FOXN3: variants seen among roughly 807,000 people sequenced by gnomAD.
FOXN3 encodes the protein forkhead box N3, also known as forkhead box protein N3.
FOXN3 carries 7 observed loss-of-function variants against 38.4 expected under a neutral mutation model. That is an observed-to-expected ratio of 0.18 (90% confidence interval 0.10 to 0.34). FOXN3 has a LOEUF of 0.34. Among genes scored for constraint, FOXN3 ranks in the 10% least tolerant of loss-of-function variants. The probability of loss-of-function intolerance (pLI) is 1.00; values close to 1 mark genes in which losing one functional copy is unlikely to be tolerated. For missense variants in FOXN3, 456 were observed against 613.4 expected, an observed-to-expected ratio of 0.74 and a Z score of 2.71; for synonymous variants, 230 against 242.2, an observed-to-expected ratio of 0.95 and a Z score of 0.47.
chr14:89,323,298 AAAAAAAGAAAG>A (rs1404417085), intron 3 of FOXN3, among the ~76,000 whole-genome samples: 3 of 148,808 alleles, frequency 2.0e-5, no homozygotes, highest in African/African-American at 7.4e-5. Flanking sequence ...AAAAAAAAAA[AAAAAAAGAAAG>A]AAAGAAAGAA....
chr14:89,338,279 G>A (rs983537734), intron 3 of FOXN3, among the ~76,000 whole-genome samples: 3 of 152,112 alleles, frequency 2.0e-5, no homozygotes, highest in African/African-American at 7.2e-5. Flanking sequence ...AGCAACTAAA[G>A]GAAAATATTT....
rs8012674 is a variant in FOXN3 at position 89,548,651 on chromosome 14, T to A, written c.-15+70377A>T. On this transcript the variant is annotated intron_variant, in intron 1 of 6. Coordinates refer to the FOXN3 transcript ENST00000345097. This position sits in a 1 kb window ranked among gnomAD's most constrained non-coding sequence, Gnocchi z 4.8. Reference sequence around the variant, plus strand: ...TTAATGTAAATGTAAGTTATTACCATAATAATGATGACTTTTCTTTTCAAT... The same window carrying A: ...TTAATGTAAATGTAAGTTATTACCAAAATAATGATGACTTTTCTTTTCAAT... Among the ~76,000 whole-genome samples, 1,178 of 152,282 alleles carry A rather than the reference T, an allele frequency of 7.7e-3. 10 individuals carry two copies. The highest frequency in any genetic ancestry group is 0.027 in the African/African-American group (1,117 of 41,552).
intron 4 of FOXN3, among the ~76,000 whole-genome samples, chr14:89,255,725 G>A (rs553278287): frequency 6.6e-6 from 1 of 152,218 alleles, no homozygotes; most frequent in South Asian, 2.1e-4. Flanking sequence ...CAGCACGCAG[G>A]ACATTCTAAG....
chr14:89,522,712 T>C (rs1044842053), intron 1 of FOXN3, among the ~76,000 whole-genome samples: 1 of 149,722 alleles, frequency 6.7e-6, no homozygotes, highest in East Asian at 1.9e-4. Context: ...AAGCAACCAT[T>C]AAAATAATAC....
At chr14:89,614,517 A>G (rs1169495349) in intron 1 of FOXN3, among the ~76,000 whole-genome samples, 3 of 152,242 alleles carry the variant, frequency 2.0e-5, no homozygotes, top group Non-Finnish European at 4.4e-5. Context: ...CCTGCTCACT[A>G]TGAGCACAAG....
At chr14:89,360,055 C>G (rs1337326986) in intron 2 of FOXN3, among the ~76,000 whole-genome samples, 1 of 152,206 alleles carries the variant, frequency 6.6e-6, no homozygotes, top group African/African-American at 2.4e-5. Context: ...CAGGATCTGG[C>G]AGGCTTGAAG....
rs1157998619 is a variant in FOXN3 at position 89,546,329 on chromosome 14, C to CTTTTTTTTTTTTTTTTTTT, written c.-15+72680_-15+72698dup. Among the ~76,000 whole-genome samples, 22 of 78,330 alleles carry CTTTTTTTTTTTTTTTTTTT rather than the reference C, an allele frequency of 2.8e-4. 2 individuals carry two copies. The highest frequency in any genetic ancestry group is 9.8e-4 in the South Asian group (2 of 2,048). The allele number at this position is 78,330 out of a possible 152,430, so 51.4% of individuals were successfully genotyped here. On this transcript the variant is annotated intron_variant, in intron 1 of 6. Transcript: ENST00000345097. ...TAGCTTCTTTTCTTTTTTCCTTTTT[C>CTTTTTTTTTTTTTTTTTTT]TTTTTTTTTTTTTTTTTTTGAGATG...
intron 1 of FOXN3, among the ~76,000 whole-genome samples, chr14:89,430,867 A>C (rs141062199): frequency 4.7e-4 from 72 of 152,358 alleles, no homozygotes; most frequent in African/African-American, 1.7e-3. Flanking sequence ...TGCCCTGCAC[A>C]CACCTTGAGA....
At chr14:89,349,113 C>A (rs1204961270) in intron 3 of FOXN3, among the ~76,000 whole-genome samples, 1 of 152,104 alleles carries the variant, frequency 6.6e-6, no homozygotes, top group Non-Finnish European at 1.5e-5. Context: ...ACATGAGAAT[C>A]TGGGAAATAT....
At chr14:89,173,930 C>T (rs113913483) in intron 5 of FOXN3, among the ~76,000 whole-genome samples, 1 of 152,116 alleles carries the variant, frequency 6.6e-6, no homozygotes, top group Non-Finnish European at 1.5e-5. Context: ...GAGGATGAGG[C>T]TGCAGTGAGC....
chr14:89,203,150 A>G (rs1888278491), intron 4 of FOXN3, among the ~76,000 whole-genome samples: 1 of 152,130 alleles, frequency 6.6e-6, no homozygotes, highest in Non-Finnish European at 1.5e-5. Context: ...AACTATTTAC[A>G]GCCCATCAAG....
At chr14:89,326,833 A>C (rs1410075560) in intron 3 of FOXN3, among the ~76,000 whole-genome samples, 1 of 152,184 alleles carries the variant, frequency 6.6e-6, no homozygotes, top group Non-Finnish European at 1.5e-5. Context: ...AAGTGGCATA[A>C]AGTAGGAAGA....
rs775714259 is a variant in FOXN3, at chr14:89,179,717, G to A, written c.851+984C>T. ...TAAAGCATGGGGCTAATCGGTTCAC[G>A]GCAAAGAGAAGTTTCTCTGATGCTG... On this transcript the variant is annotated intron_variant, in intron 5 of 5. Transcript: ENST00000557258. Among the ~76,000 whole-genome samples the A allele has an allele frequency of 1.1e-4, 16 of 152,050 alleles. 1 individual carries two copies. The highest frequency in any genetic ancestry group is 1.6e-4 in the Non-Finnish European group (11 of 68,024).
intron 1 of FOXN3, among the ~76,000 whole-genome samples, chr14:89,427,228 CA>C (rs1377599085): frequency 2.4e-3 from 107 of 44,406 alleles, no homozygotes; most frequent in Admixed American, 3.5e-3. Flanking sequence ...GCCTCTGTCT[CA>C]AAAAAAAAAA....
chr14:89,570,316 T>G (rs937902645), intron 1 of FOXN3, among the ~76,000 whole-genome samples: 5 of 152,088 alleles, frequency 3.3e-5, no homozygotes, highest in Non-Finnish European at 7.3e-5. Flanking sequence ...TTGGTAATTT[T>G]TAAGGCACAG....
intron 1 of FOXN3, among the ~76,000 whole-genome samples, chr14:89,561,926 A>G (rs1167918152): frequency 6.6e-6 from 1 of 152,216 alleles, no homozygotes; most frequent in Non-Finnish European, 1.5e-5. Context: ...TCAATTGTCA[A>G]CAGATTTTGA....
rs977596534 is a variant in FOXN3 at position 89,164,343 on chromosome 14, G to A, written c.852-1374C>T. 1.3e-5 allele frequency among the ~76,000 whole-genome samples: 2 copies of A among 152,196 alleles called. No individual in the cohort carries two copies. The highest frequency in any genetic ancestry group is 1.3e-4 in the Admixed American group (2 of 15,278). On this transcript the variant is annotated intron_variant, in intron 5 of 5. Transcript: ENST00000557258. This position sits in a 1 kb window ranked among gnomAD's most constrained non-coding sequence, Gnocchi z 4.3. Reference sequence around the variant, plus strand: ...CACAAGGGCTGAAGAATTTGGCAGGGATGGGAACTGTTCTATGGCACCATG... The same window carrying A: ...CACAAGGGCTGAAGAATTTGGCAGGAATGGGAACTGTTCTATGGCACCATG...
intron 1 of FOXN3, among the ~76,000 whole-genome samples, chr14:89,501,932 G>A (rs531938203): frequency 1.3e-3 from 194 of 152,172 alleles, no homozygotes; most frequent in African/African-American, 4.0e-3. Context: ...TTGGGAGGCC[G>A]AGGCAGTTGG....
intron 4 of FOXN3, among the ~76,000 whole-genome samples, chr14:89,255,298 A>G (rs1268524360): frequency 6.6e-6 from 1 of 152,232 alleles, no homozygotes; most frequent in Non-Finnish European, 1.5e-5. Flanking sequence ...CCAAATCTCC[A>G]ACTGTGTAGA....
Sources: allele counts gnomAD v4.1 joint callset (sites outside exome capture counted in the v4.1 genomes callset), GRCh38; gene constraint gnomAD v4.1.1; non-coding constraint Gnocchi (gnomAD v3.1); transcripts MANE v1.5; gene names NCBI Gene and HGNC (gene_info 2026-07-23, HGNC 2026-07-21).